AATK: variants seen among roughly 807,000 people sequenced by gnomAD.
The protein encoded by AATK is serine/threonine-protein kinase LMTK1.
Under a neutral mutation model 114.3 loss-of-function variants are expected in AATK, and 91 were observed. The observed-to-expected ratio is 0.80, with a 90% CI of 0.67 to 0.95. The LOEUF (loss-of-function observed/expected upper bound fraction) is 0.95. Ranked by LOEUF, AATK falls within the 40% of genes least tolerant of loss-of-function variation. AATK has a pLI of 0.00. For missense variants in AATK, 2,176 were observed against 1,965.2 expected (o/e 1.11, Z -2.03); for synonymous variants, 1,075 against 916.5 (o/e 1.17, Z -3.12).
At position 81,122,528 on chromosome 17, in the gene AATK, C is replaced by T; in HGVS notation, c.1408G>A (p.Glu470Lys). The T allele has an allele frequency of 6.8e-7, 1 of 1,481,002 alleles. No homozygotes were observed. The allele number at this position is 1,481,002 out of a possible 1,614,324, so 91.7% of individuals were successfully genotyped here. ...ADGDDVLTVT[E>K]TSRGLNFEYK... is the part of the protein sequence containing the mutation. ...TCAAAATTGAGGCCTCGGCTGGTCT[C>T]GGTCACCGTCAGCACGTCGTCGCCG... The change falls in exon 11 of 14, where the codon GAG (glutamate) becomes AAG (lysine). Residue 470 changes from glutamate (E) to lysine (K), a missense_variant. Coordinates refer to ENST00000326724, the MANE Select transcript of AATK (RefSeq NM_001080395.3).
rs1189442582 is a variant in AATK, at chr17:81,119,652, C to T, written c.3884-72G>A. On this transcript the variant is annotated intron_variant, in intron 12 of 13. Transcript: ENST00000326724. The stretch of plus-strand genomic sequence containing the variant: ...CGGCCCGGCCCCGCTCCCACAGTCA[C>T]GGGCCCAGGCCCCGCCTCCCATCAT... 2.2e-5 allele frequency: 12 copies of T among 549,364 alleles called. No homozygotes were observed. The Admixed American group carries it at 3.8e-4, about 18-fold the overall frequency. The allele number at this position is 549,364 out of a possible 1,614,324, so 34.0% of individuals were successfully genotyped here.
rs1228819339 is a variant in AATK at position 81,121,229 on chromosome 17, G to A, written c.2707C>T (p.Leu903=). The change falls in exon 11 of 14, where the codon CTG becomes TTG. Residue 903 remains leucine (L), a synonymous_variant. Coordinates refer to ENST00000326724, the MANE Select transcript of AATK (RefSeq NM_001080395.3). ...GAGGACGGGATGTCCAGGGAGTCCA[G>A]GGAGTCGGGGGTCCCCACCTGCTTC... ...LQKQVGTPDS[L]DSLDIPSSAS... 2 of 1,606,354 alleles carry A rather than the reference G, an allele frequency of 1.2e-6. No homozygotes were observed. The highest frequency in any genetic ancestry group is 1.7e-6 in the Non-Finnish European group (2 of 1,177,032).
chr17:81,157,745 C>T (rs2061383982), intron 1 of AATK, among the ~76,000 whole-genome samples: 1 of 152,338 alleles, frequency 6.6e-6, no homozygotes, highest in East Asian at 1.9e-4. Context: ...ACCTGGAATG[C>T]CCCCGGTTCC....
Position 81,131,195 on chromosome 17 carries a change from T to C in AATK, c.200A>G (p.Asn67Ser). The C allele has an allele frequency of 6.3e-7, 1 of 1,580,330 alleles. No individual in the cohort carries two copies. The highest frequency in any genetic ancestry group is 8.6e-7 in the Non-Finnish European group (1 of 1,166,082). ...GGCTGCGTACTCGTCCCCCTCCGCA[T>C]TCTCAAACTCCTGCGGGCCGGGCCG... ...KGGIGFKEFE[N>S]AEGDEYAADL... Residue 67 changes from asparagine to serine, a missense_variant, in exon 3 of 14, where the codon AAT becomes AGT. This residue lies in a region of AATK where 178 missense variants were observed against 175.4 expected (regional missense o/e 1.01). Coordinates refer to ENST00000326724, the MANE Select transcript of AATK (RefSeq NM_001080395.3).
rs1212627237 is a variant in AATK at position 81,122,647 on chromosome 17, G to T, written c.1289C>A (p.Ala430Glu). 5 of 1,463,474 alleles carry T rather than the reference G, an allele frequency of 3.4e-6. 1 individual carries two copies. Among genetic ancestry groups the T allele is most frequent in the Admixed American group, 5.0e-5 (2 of 39,614 alleles). 90.7% of individuals were successfully genotyped at this position (1,463,474 alleles called of 1,614,324 possible). A position where few individuals can be genotyped will look rare whatever the true frequency, so the allele number is the denominator to read the frequency against. Residue 430 changes from alanine to glutamate, a missense_variant, in exon 11 of 14, where the codon GCG (alanine) becomes GAG (glutamate). Ala to Glu is a moderately radical substitution (Grantham distance 107). Transcript: ENST00000326724. ...GGGGVGPGPG[A>E]AGPMLGGVVE... ...CACGCCGCCCAGCATGGGCCCCGCC[G>T]CACCGGGCCCGGGCCCCACGCCGCC...
Position 81,122,813 on chromosome 17 carries a change from T to G in AATK, c.1123A>C (p.Met375Leu). Reference protein sequence around the residue: ...LTLSDRWYEVMQFCWLQPEQR... With the variant: ...LTLSDRWYEVLQFCWLQPEQR... ...TCGGGCTGCAGCCAGCAGAACTGCA[T>G]CACCTCGTACCTGCGAGGAGGTCCC... Residue 375 changes from methionine to leucine, a missense_variant, in exon 11 of 14, where the codon ATG (methionine) becomes CTG (leucine). Around this residue, in one of 4 missense-constraint regions of AATK, gnomAD observed 273 missense variants for 344.1 expected, o/e 0.79. Coordinates refer to ENST00000326724, the MANE Select transcript of AATK (RefSeq NM_001080395.3). 6.4e-7 allele frequency: 1 copy of G among 1,560,354 alleles called. No homozygotes were observed. Among genetic ancestry groups the G allele is most frequent in the African/African-American group, 1.4e-5 (1 of 73,486 alleles).
intron 1 of AATK, among the ~76,000 whole-genome samples, chr17:81,148,732 T>C (rs2061255506): frequency 6.6e-6 from 1 of 152,094 alleles, no homozygotes; most frequent in Non-Finnish European, 1.5e-5. Context: ...ACACGTGCTC[T>C]CAGACACATG....
chr17:81,121,739 C>T lies in AATK; in HGVS notation c.2197G>A (p.Ala733Thr), dbSNP rs1311563296. Residue 733 changes from alanine (A) to threonine (T), a missense_variant, in exon 11 of 14, where the codon GCA becomes ACA. This residue lies in a region of AATK where 1,701 missense variants were observed against 1,394.7 expected (regional missense o/e 1.22). Coordinates refer to ENST00000326724, the MANE Select transcript of AATK (RefSeq NM_001080395.3). ...YPGEPLLGLQAASAQEPGCCP... is the reference protein window; with the variant it reads ...YPGEPLLGLQTASAQEPGCCP... ...CAGCCTGGCTCCTGGGCAGAGGCTG[C>T]CTGGAGCCCAAGCAGAGGCTCTCCA... The T allele has an allele frequency of 6.7e-7, 1 of 1,501,374 alleles. No homozygotes were observed. Among genetic ancestry groups the T allele is most frequent in the Non-Finnish European group, 8.9e-7 (1 of 1,128,854 alleles). The allele number at this position is 1,501,374 out of a possible 1,614,324, so 93.0% of individuals were successfully genotyped here. A position where few individuals can be genotyped will look rare whatever the true frequency, so the allele number is the denominator to read the frequency against.
chr17:81,122,178 G>T lies in AATK; in HGVS notation c.1758C>A (p.Val586=). The change falls in exon 11 of 14, where the codon GTC becomes GTA. Residue 586 remains valine (V), a synonymous_variant. Transcript: ENST00000326724. ...PLLGHGPPVD[V]PWGRGDHYPR... ...GGTAGTGGTCGCCGCGGCCCCAGGG[G>T]ACGTCGACGGGTGGCCCGTGGCCCA... 4.0e-6 allele frequency: 6 copies of T among 1,510,666 alleles called. No individual in the cohort carries two copies. The highest frequency in any genetic ancestry group is 5.3e-6 in the Non-Finnish European group (6 of 1,130,606). The allele number at this position is 1,510,666 out of a possible 1,614,324, so 93.6% of individuals were successfully genotyped here. A position where few individuals can be genotyped will look rare whatever the true frequency, so the allele number is the denominator to read the frequency against.
chr17:81,134,651 C>T, intron 1 of AATK, 150 bp from the exon 2 acceptor site: 1 of 1,061,812 alleles, frequency 9.4e-7, no homozygotes, highest in Non-Finnish European at 1.3e-6. Context: ...CCACACCTCA[C>T]AGTGTGGCGA....
rs1053413213 is a variant in AATK at position 81,160,469 on chromosome 17, C to T, written c.55+5469G>A. 3.3e-5 allele frequency among the ~76,000 whole-genome samples: 5 copies of T among 152,228 alleles called. No individual in the cohort carries two copies. In the South Asian group the frequency reaches 8.3e-4, roughly 25 times the overall value. On this transcript the variant is annotated intron_variant, in intron 1 of 13. Coordinates refer to ENST00000326724, the MANE Select transcript of AATK (RefSeq NM_001080395.3). ...CGTCCGCTGCCCTCATTTCCTCTGC[C>T]GGCTTCCTCTGCGGGGGGGCGGGGA... is the stretch of plus-strand genomic sequence containing the variant.
intron 3 of AATK, among the ~76,000 whole-genome samples, chr17:81,129,447 G>A (rs1186005161): frequency 1.3e-5 from 2 of 152,172 alleles, no homozygotes; most frequent in South Asian, 2.1e-4. Context: ...GGCACTGCCG[G>A]AGGCAGCAGG....
At chr17:81,130,037 C>T (rs971493355) in intron 3 of AATK, among the ~76,000 whole-genome samples, 6 of 152,230 alleles carry the variant, frequency 3.9e-5, no homozygotes, top group East Asian at 1.9e-4. Context: ...TCTCAGCCCA[C>T]GATGAAGGCT....
intron 1 of AATK, among the ~76,000 whole-genome samples, chr17:81,164,736 G>GGGGAGGT (rs2061465634): frequency 6.6e-6 from 1 of 152,190 alleles, no homozygotes; most frequent in Non-Finnish European, 1.5e-5. Context: ...CCCTGCCCTT[G>GGGGAGGT]GGCCGGGGAG....
At chr17:81,165,875 A>G (rs999724920) in intron 1 of AATK, 63 bp downstream of exon 1, 157 of 1,546,430 alleles carry the variant, frequency 1.0e-4, no homozygotes, top group Non-Finnish European at 1.4e-4. Context: ...CGTGGGGCCC[A>G]GGGGCATCAC....
chr17:81,120,131 G>A, intron 11 of AATK, 48 bp from the exon 12 acceptor site: 1 of 1,487,356 alleles, frequency 6.7e-7, no homozygotes, highest in Non-Finnish European at 8.9e-7. Context: ...AGGAGCCGCG[G>A]CCGCTCCCAC....
chr17:81,165,519 G>A (rs944665382), intron 1 of AATK: 17 of 726,856 alleles, frequency 2.3e-5, no homozygotes, highest in Non-Finnish European at 3.3e-5. Context: ...ATCGCTCCCA[G>A]CCTGGGAAGA....
At chr17:81,136,436 CA>C (rs1332581629) in intron 1 of AATK, among the ~76,000 whole-genome samples, 2 of 152,080 alleles carry the variant, frequency 1.3e-5, no homozygotes, top group African/African-American at 4.8e-5. Context: ...GCTCCCCTCC[CA>C]TGGCCCCATC....
chr17:81,156,366 A>G (rs979852264), intron 1 of AATK, among the ~76,000 whole-genome samples: 5 of 152,160 alleles, frequency 3.3e-5, no homozygotes, highest in Non-Finnish European at 7.4e-5. Flanking sequence ...TGTTTTTCAA[A>G]TAAATCCCTT....
Sources: allele counts gnomAD v4.1 joint callset (sites outside exome capture counted in the v4.1 genomes callset), GRCh38; gene constraint gnomAD v4.1.1; regional missense constraint gnomAD v4.1.1; transcripts MANE v1.5; gene names NCBI Gene and HGNC (gene_info 2026-07-23, HGNC 2026-07-21).